Variants in OPCML observed in about 807,000 individuals in gnomAD.
OPCML encodes the protein opioid binding protein/cell adhesion molecule like.
Under a neutral mutation model 37.8 loss-of-function variants are expected in OPCML, and 13 were observed. That is an observed-to-expected ratio of 0.34 (90% CI 0.22 to 0.55). The LOEUF is 0.55. Ranked by LOEUF, OPCML falls within the 20% of genes least tolerant of loss-of-function variation. The probability of loss-of-function intolerance (pLI) is 0.91; values close to 1 mark genes in which losing one functional copy is unlikely to be tolerated. For synonymous variants in OPCML, 176 were observed against 168.8 expected (o/e 1.04, Z -0.33); for missense variants, 341 against 435.6 (o/e 0.78, Z 1.93).
intron 4 of OPCML, among the ~76,000 whole-genome samples, chr11:132,517,479 G>C (rs954808090): frequency 9.9e-5 from 15 of 152,162 alleles, no homozygotes; most frequent in Non-Finnish European, 2.1e-4. Context: ...TATCTCCAGA[G>C]GTGGCTGCAG....
chr11:132,933,611 CAG>C (rs753926369), intron 2 of OPCML, among the ~76,000 whole-genome samples: 4 of 151,854 alleles, frequency 2.6e-5, no homozygotes, highest in Admixed American at 6.6e-5. Flanking sequence ...AGAGAAGAAA[CAG>C]AGAGAGAGAC....
chr11:133,085,945 A>G (rs943492730), intron 1 of OPCML, among the ~76,000 whole-genome samples: 1 of 152,204 alleles, frequency 6.6e-6, no homozygotes, highest in African/African-American at 2.4e-5. Flanking sequence ...CGGTTCATCT[A>G]ATATCTAACT....
intron 4 of OPCML, among the ~76,000 whole-genome samples, chr11:132,446,678 C>A (rs1031849929): frequency 6.6e-6 from 1 of 151,918 alleles, no homozygotes; most frequent in Non-Finnish European, 1.5e-5. Context: ...TATTTGGATT[C>A]TAAACCAACA....
chr11:132,445,253 TCCC>T, intron 4 of OPCML, among the ~76,000 whole-genome samples: 2 of 152,326 alleles, frequency 1.3e-5, no homozygotes, highest in South Asian at 4.2e-4. Flanking sequence ...TCAGAGGAAT[TCCC>T]TGGCAGGGGT....
At chr11:132,681,708 C>A (rs1246560654) in intron 2 of OPCML, among the ~76,000 whole-genome samples, 2 of 152,108 alleles carry the variant, frequency 1.3e-5, no homozygotes, top group Admixed American at 6.5e-5. Flanking sequence ...GTAATCCCAG[C>A]ACTTTGGGAG....
chr11:133,255,858 T>C (rs949922622), intron 1 of OPCML, among the ~76,000 whole-genome samples: 1 of 152,220 alleles, frequency 6.6e-6, no homozygotes, highest in Admixed American at 6.5e-5. Context: ...GAGATTATTA[T>C]ACATGTTTTG....
At chr11:132,891,991 A>G (rs1943667942) in intron 2 of OPCML, among the ~76,000 whole-genome samples, 2 of 151,990 alleles carry the variant, frequency 1.3e-5, no homozygotes, top group African/African-American at 4.8e-5. Context: ...TCAAGGACCC[A>G]CTGCATGGAT....
intron 2 of OPCML, among the ~76,000 whole-genome samples, chr11:132,911,065 G>A (rs1210874879): frequency 6.6e-6 from 1 of 152,184 alleles, no homozygotes; most frequent in Non-Finnish European, 1.5e-5. Flanking sequence ...GGATATTAAC[G>A]CTGCAACAGC....
At chr11:133,319,374 GTCCCT>G (rs1943277173) in intron 1 of OPCML, among the ~76,000 whole-genome samples, 1 of 152,112 alleles carries the variant, frequency 6.6e-6, no homozygotes, top group Admixed American at 6.6e-5. Flanking sequence ...CCACCCAGCT[GTCCCT>G]TAAGTCTCCC....
At chr11:132,649,370 G>C (rs936683613) in intron 3 of OPCML, among the ~76,000 whole-genome samples, 1 of 152,098 alleles carries the variant, frequency 6.6e-6, no homozygotes, top group Non-Finnish European at 1.5e-5. Context: ...GAAGGTCAAC[G>C]TCAATTATAC....
chr11:133,289,922 G>C (rs1942428372), intron 1 of OPCML, among the ~76,000 whole-genome samples: 1 of 152,108 alleles, frequency 6.6e-6, no homozygotes, highest in South Asian at 2.1e-4. Context: ...TTCCCCCCTG[G>C]GCTGTTCTGA....
In OPCML at chr11:133,427,012, A is replaced by T. The variant is rs144977313; in HGVS notation, c.61+105252T>A. Among the ~76,000 whole-genome samples, 7 of 152,344 alleles carry T rather than the reference A, an allele frequency of 4.6e-5. No homozygotes were observed. In the East Asian group the frequency reaches 1.3e-3, roughly 29 times the overall value. ...AAGCAAACAAACTGTTGGCAGTATG[A>T]GGCAAAACTAGCAGAAGTACTATTA... On this transcript the variant is annotated intron_variant, in intron 1 of 7. Coordinates refer to ENST00000524381, the MANE Select transcript of OPCML (RefSeq NM_001012393.5).
Position 132,751,428 on chromosome 11 carries a change from TA to T in OPCML, c.147-94110del, listed in dbSNP as rs552375475. On this transcript the variant is annotated intron_variant, in intron 2 of 7. Coordinates refer to ENST00000524381, the MANE Select transcript of OPCML (RefSeq NM_001012393.5). ...TTATAAGTGCTTAGAGACCACTAGA[TA>T]AAATCCACAAACCTTGAGGAGATTT... 5.9e-5 allele frequency among the ~76,000 whole-genome samples: 9 copies of T among 152,316 alleles called. No individual in the cohort carries two copies. In the East Asian group the frequency reaches 1.7e-3, roughly 29 times the overall value.
chr11:133,338,705 T>C (rs987565569), intron 1 of OPCML, among the ~76,000 whole-genome samples: 1 of 151,978 alleles, frequency 6.6e-6, no homozygotes, highest in Admixed American at 6.6e-5. Context: ...AAAGAGAAAA[T>C]TGGAATTTCC....
chr11:132,529,013 GACTTTAACAT>G (rs755882510), intron 4 of OPCML, 38 bp downstream of exon 4: 1 of 1,208,836 alleles, frequency 8.3e-7, no homozygotes, highest in South Asian at 1.3e-5. Flanking sequence ...TAAGAGCCAA[GACTTTAACAT>G]ACTACCTCTG....
At chr11:132,642,570 G>C (rs1473033573) in intron 3 of OPCML, among the ~76,000 whole-genome samples, 1 of 152,134 alleles carries the variant, frequency 6.6e-6, no homozygotes, top group Non-Finnish European at 1.5e-5. Flanking sequence ...ATAAGTGAAG[G>C]GACAGTTCTA....
intron 1 of OPCML, among the ~76,000 whole-genome samples, chr11:133,281,857 A>C (rs1942167480): frequency 6.6e-6 from 1 of 152,196 alleles, no homozygotes; most frequent in Non-Finnish European, 1.5e-5. Flanking sequence ...ACCTTAGCAA[A>C]GAGCTTGACT....
intron 1 of OPCML, among the ~76,000 whole-genome samples, chr11:132,971,133 C>T (rs1021253242): frequency 1.1e-4 from 16 of 152,140 alleles, no homozygotes; most frequent in Admixed American, 2.0e-4. Context: ...AGAAGGCAAG[C>T]TGAAAAACAA....
chr11:133,484,891 C>T (rs1258814741), intron 1 of OPCML, among the ~76,000 whole-genome samples: 1 of 151,580 alleles, frequency 6.6e-6, no homozygotes, highest in Non-Finnish European at 1.5e-5. Flanking sequence ...AAATTAACAA[C>T]TATATGTAAC....
Sources: allele counts gnomAD v4.1 joint callset (sites outside exome capture counted in the v4.1 genomes callset), GRCh38; gene constraint gnomAD v4.1.1; transcripts MANE v1.5; gene names NCBI Gene and HGNC (gene_info 2026-07-23, HGNC 2026-07-21).